The following CARD9 variants were observed in gnomAD, a reference collection of about 807,000 sequenced individuals.
The protein encoded by CARD9 is caspase recruitment domain-containing protein 9.
Under a neutral mutation model 66.0 loss-of-function variants are expected in CARD9, and 53 were observed. The observed-to-expected ratio is 0.80, with a 90% CI of 0.64 to 1.01. The LOEUF is 1.01. Ranked by LOEUF, CARD9 falls within the 50% of genes least tolerant of loss-of-function variation. CARD9 has a pLI of 0.00. For synonymous variants in CARD9, 387 were observed against 313.8 expected (o/e 1.23, Z -2.47); for missense variants, 769 against 743.2 (o/e 1.03, Z -0.40).
intron 8 of CARD9, 59 bp downstream of exon 8, chr9:136,367,578 T>G: frequency 6.6e-7 from 1 of 1,503,776 alleles, no homozygotes; most frequent in Non-Finnish European, 8.9e-7. Flanking sequence ...GGCTCCGTGC[T>G]CCCCTGGCCC....
chr9:136,367,072 T>G, intron 9 of CARD9, 144 bp downstream of exon 9: 1 of 1,086,934 alleles, frequency 9.2e-7, no homozygotes, highest in Non-Finnish European at 1.4e-6. Context: ...GGCCTTAGCA[T>G]TTGGCCACCT....
chr9:136,369,150 C>G (rs952962192), intron 7 of CARD9, among the ~76,000 whole-genome samples: 1 of 152,058 alleles, frequency 6.6e-6, no homozygotes, highest in Non-Finnish European at 1.5e-5. Context: ...GAGCAGGGAT[C>G]TCACCGTGTT....
intron 8 of CARD9, 123 bp from the exon 9 acceptor site, chr9:136,367,380 C>T (rs1196904286): frequency 1.9e-5 from 22 of 1,173,184 alleles, no homozygotes; most frequent in Non-Finnish European, 2.7e-5. Context: ...CCACACCAGG[C>T]CCCCTCCATG....
At chr9:136,367,967 T>C (rs530135236) in intron 7 of CARD9, 139 bp from the exon 8 acceptor site, 1 of 1,437,052 alleles carries the variant, frequency 7.0e-7, no homozygotes, top group Non-Finnish European at 9.1e-7. Flanking sequence ...AGCCCCTCCA[T>C]TTGTGTGCTC....
At chr9:136,367,435 C>T in intron 8 of CARD9, 178 bp from the exon 9 acceptor site, 1 of 927,894 alleles carries the variant, frequency 1.1e-6, no homozygotes. Context: ...GCCCAGGACC[C>T]ACCCCGGCCC....
At chr9:136,368,823 AT>A (rs765736439) in intron 7 of CARD9, among the ~76,000 whole-genome samples, 159 of 146,186 alleles carry the variant, frequency 1.1e-3, no homozygotes, top group South Asian at 1.5e-3. Flanking sequence ...CGACCAGTTA[AT>A]TTTTTTTTTT....
In CARD9 at chr9:136,364,518, C is replaced by G. The variant is rs1438057644; in HGVS notation, c.1476G>C (p.Arg492=). ...LSSGEPPEKE[R]RRLKESFENY... ...TCTCAAAACTCTCTTTGAGGCGCCG[C>G]CGCTCCTTCTCGGGCGGCTCCCCGC... Residue 492 remains arginine, a synonymous_variant, in exon 12 of 13, where the codon CGG becomes CGC. Transcript: ENST00000371732. 1 of 1,539,266 alleles carries G rather than the reference C, an allele frequency of 6.5e-7. No individual in the cohort carries two copies. The highest frequency in any genetic ancestry group is 1.2e-5 in the South Asian group (1 of 84,008).
At chr9:136,366,593 T>TG (rs1368848063) in intron 10 of CARD9, 9 of 620,284 alleles carry the variant, frequency 1.5e-5, no homozygotes, top group African/African-American at 3.7e-5. Flanking sequence ...TCCCACTAGC[T>TG]GGGGCCCTGG....
rs768228432 is a variant in CARD9 at position 136,372,079 on chromosome 9, G to A, written c.-1C>T. 2 of 1,612,514 alleles carry A rather than the reference G, an allele frequency of 1.2e-6. No homozygotes were observed. The highest frequency in any genetic ancestry group is 8.5e-7 in the Non-Finnish European group (1 of 1,179,952). On this transcript the variant is annotated 5_prime_UTR_variant, in exon 2 of 13. Transcript: ENST00000371732. Reference sequence around the variant, plus strand: ...CGTCATCGTTCTCGTAGTCCGACATGGCCTCAGCAGGCAGGCTGGGGAGTG... The same window carrying A: ...CGTCATCGTTCTCGTAGTCCGACATAGCCTCAGCAGGCAGGCTGGGGAGTG...
In CARD9 at chr9:136,370,636, C is replaced by T. The variant is rs59902911; in HGVS notation, c.693G>A (p.Thr231=). 0.034 allele frequency: 55,198 copies of T among 1,612,742 alleles called. 1,132 individuals carry two copies. Among genetic ancestry groups the T allele is most frequent in the East Asian group, 0.085 (3,805 of 44,866 alleles). ...GCTCCATGGCGTGCCTGAGCTTCAG[C>T]GTGTGCTTGCGCTCCACCTTGCAGT... ...EDDCKVERKH[T]LKLRHAMEQR... is the part of the protein sequence containing the mutation. Residue 231 remains threonine, a synonymous_variant, in exon 5 of 13, where the codon ACG becomes ACA. Transcript: ENST00000371732.
chr9:136,366,444 A>T (rs1833125704), intron 10 of CARD9: 1 of 347,894 alleles, frequency 2.9e-6, no homozygotes, highest in East Asian at 5.7e-5. Context: ...TGGAGCAGCC[A>T]GGACTGGGCC....
In CARD9 at chr9:136,371,917, C is replaced by T. The variant is rs1482133033; in HGVS notation, c.162G>A (p.Leu54=). 6.2e-7 allele frequency: 1 copy of T among 1,604,728 alleles called. No homozygotes were observed. Among genetic ancestry groups the T allele is most frequent in the Non-Finnish European group, 8.5e-7 (1 of 1,173,528 alleles). Reference sequence around the variant, plus strand: ...GACCCACTTTCCGTTTGCGGATGACCAGGTTGGGGTCGCTGAGCACCTGCT... The same window carrying T: ...GACCCACTTTCCGTTTGCGGATGACTAGGTTGGGGTCGCTGAGCACCTGCT... ...DEEQVLSDPN[L]VIRKRKVGVL... is the part of the protein sequence containing the mutation. Residue 54 remains leucine (L), a synonymous_variant, in exon 2 of 13, where the codon CTG becomes CTA. Coordinates refer to ENST00000371732, the MANE Select transcript of CARD9 (RefSeq NM_052813.5).
At chr9:136,371,517 G>T in intron 2 of CARD9, 56 bp from the exon 3 acceptor site, 2 of 1,500,444 alleles carry the variant, frequency 1.3e-6, no homozygotes, top group East Asian at 2.4e-5. Flanking sequence ...AGAGGGCTGG[G>T]GTGGGTGGGC....
At chr9:136,365,245 C>G (rs773324160) in intron 10 of CARD9, 28 bp from the exon 11 acceptor site, 22 of 1,602,588 alleles carry the variant, frequency 1.4e-5, no homozygotes, top group Non-Finnish European at 1.8e-5. Flanking sequence ...GCCTGTGGGA[C>G]CTGCCCATCT....
At chr9:136,364,627 C>T in intron 11 of CARD9, 68 bp from the exon 12 acceptor site, 2 of 1,443,996 alleles carry the variant, frequency 1.4e-6, no homozygotes, top group South Asian at 1.3e-5. Flanking sequence ...TCACCCGCCC[C>T]CCACTGGCCC....
At position 136,369,110 on chromosome 9, in the gene CARD9, G is replaced by A. The variant is rs554927828; in HGVS notation, c.1077+640C>T. On this transcript the variant is annotated intron_variant, in intron 7 of 12. Coordinates refer to ENST00000371732, the MANE Select transcript of CARD9 (RefSeq NM_052813.5). ...GCTGGGATTATAGGCGTGAGCCACC[G>A]CGCCAGGCCAATTTTTGCATTTTTT... 3.4e-4 allele frequency among the ~76,000 whole-genome samples: 51 copies of A among 152,158 alleles called. 1 individual carries two copies. Among genetic ancestry groups the A allele is most frequent in the African/African-American group, 1.1e-3 (46 of 41,490 alleles).
intron 11 of CARD9, 128 bp from the exon 12 acceptor site, chr9:136,364,687 C>T: frequency 2.2e-6 from 2 of 901,860 alleles, no homozygotes; most frequent in Non-Finnish European, 3.3e-6. Context: ...AGCCTCAGCT[C>T]AGCGCCAAGC....
At chr9:136,366,602 G>C in intron 10 of CARD9, 198 bp downstream of exon 10, 2 of 634,510 alleles carry the variant, frequency 3.2e-6, no homozygotes, top group Non-Finnish European at 5.6e-6. Flanking sequence ...CTGGGGCCCT[G>C]GGTTCCAGCT....
Position 136,371,406 on chromosome 9 carries a change from G to A in CARD9, c.240C>T (p.Leu80=), listed in dbSNP as rs778088966. 8.2e-6 allele frequency: 13 copies of A among 1,592,952 alleles called. No individual in the cohort carries two copies. Among genetic ancestry groups the A allele is most frequent in the Admixed American group, 7.0e-5 (4 of 57,464 alleles). ...RTGHKGYVAF[L]ESLELYYPQL... The stretch of plus-strand genomic sequence containing the variant: ...GCGGGTAGTAGAGCTCCAGGCTCTC[G>A]AGGAAGGCCACGTAGCCCTTGTGGC... Residue 80 remains leucine (L), a synonymous_variant, in exon 3 of 13, where the codon CTC becomes CTT. Coordinates refer to ENST00000371732, the MANE Select transcript of CARD9 (RefSeq NM_052813.5).
Sources: allele counts gnomAD v4.1 joint callset (sites outside exome capture counted in the v4.1 genomes callset), GRCh38; gene constraint gnomAD v4.1.1; transcripts MANE v1.5; gene names NCBI Gene and HGNC (gene_info 2026-07-23, HGNC 2026-07-21).